The following KIF17 variants were observed in gnomAD, a reference collection of about 807,000 sequenced individuals.
KIF17 encodes kinesin-like protein KIF17.
KIF17 carries 80 observed loss-of-function variants against 96.8 expected under a neutral mutation model. The observed-to-expected ratio is 0.83, with a 90% CI of 0.69 to 1.00. The LOEUF (loss-of-function observed/expected upper bound fraction) is 1.00, where lower values mean the gene tolerates loss of function less well. Among genes scored for constraint, KIF17 ranks in the 50% least tolerant of loss-of-function variants. The probability of loss-of-function intolerance (pLI) is 0.00; values close to 1 mark genes in which losing one functional copy is unlikely to be tolerated. For missense variants in KIF17, 1,280 were observed against 1,372.9 expected (o/e 0.93, Z 1.07); for synonymous variants, 567 against 587.5 (o/e 0.97, Z 0.51).
chr1:20,699,444 T>C lies in KIF17; in HGVS notation c.1124-956A>G, dbSNP rs1247171621. Among the ~76,000 whole-genome samples the C allele has an allele frequency of 6.6e-6, 1 of 152,190 alleles. No individual in the cohort carries two copies. Among genetic ancestry groups the C allele is most frequent in the Admixed American group, 6.5e-5 (1 of 15,272 alleles). On this transcript the variant is annotated intron_variant, in intron 5 of 14. Transcript: ENST00000400463. This position sits in a 1 kb window ranked among gnomAD's most constrained non-coding sequence, Gnocchi z 4.3. ...AGCTAGGCATGGTGGCGGGAGCCTGTAATCCCAGCTACTCAGGAGGCTGAG... is the reference window on the plus strand; with the variant it reads ...AGCTAGGCATGGTGGCGGGAGCCTGCAATCCCAGCTACTCAGGAGGCTGAG...
rs568353362 is a variant in KIF17 at position 20,677,312 on chromosome 1, A to G, written c.2464-5116T>C. Among the ~76,000 whole-genome samples the G allele has an allele frequency of 2.0e-5, 3 of 152,356 alleles. No individual in the cohort carries two copies. In the East Asian group the frequency reaches 5.8e-4, roughly 29 times the overall value. On this transcript the variant is annotated intron_variant, in intron 11 of 14. Coordinates refer to ENST00000400463, the MANE Select transcript of KIF17 (RefSeq NM_001122819.3). ...ATGCCAAACAATACAATCCTTATGG[A>G]GGAGAAGTTGGCATGTCTAGTGACA...
intron 11 of KIF17, among the ~76,000 whole-genome samples, chr1:20,673,549 T>TC (rs1466761162): frequency 1.3e-5 from 2 of 151,206 alleles, no homozygotes; most frequent in Non-Finnish European, 1.5e-5. Flanking sequence ...TTTTTTTTTT[T>TC]TGAGACAGAT....
intron 4 of KIF17, among the ~76,000 whole-genome samples, chr1:20,705,268 T>C (rs971588619): frequency 3.9e-5 from 6 of 152,046 alleles, no homozygotes; most frequent in Non-Finnish European, 7.4e-5. Flanking sequence ...AGGGCAGGGG[T>C]GTGGGCTGGA....
chr1:20,681,882 G>A (rs1321659996), intron 11 of KIF17, among the ~76,000 whole-genome samples: 1 of 152,178 alleles, frequency 6.6e-6, no homozygotes, highest in Non-Finnish European at 1.5e-5. Context: ...AGGTCCTTCT[G>A]AGGTTCCCAG....
chr1:20,715,633 T>A lies in KIF17; in HGVS notation c.238A>T (p.Thr80Ser). ...AAGATGGTGCCATTGTAGCCCTCAG[T>A]GACGCCCTGCATGGGAGGAAGGCAG... Reference protein sequence around the residue: ...EIAYPLVEGVTEGYNGTIFAY... With the variant: ...EIAYPLVEGVSEGYNGTIFAY... The change falls in exon 2 of 15, where the codon ACT becomes TCT. Residue 80 changes from threonine to serine, a missense_variant. Coordinates refer to ENST00000400463, the MANE Select transcript of KIF17 (RefSeq NM_001122819.3). 1 of 1,613,306 alleles carries A rather than the reference T, an allele frequency of 6.2e-7. No individual in the cohort carries two copies.
At position 20,717,487 on chromosome 1, in the gene KIF17, G is replaced by A. The variant is rs756978243; in HGVS notation, c.220C>T (p.Pro74Ser). 1.1e-5 allele frequency: 18 copies of A among 1,611,386 alleles called. No homozygotes were observed. Among genetic ancestry groups the A allele is most frequent in the Non-Finnish European group, 1.5e-5 (18 of 1,179,608 alleles). ...CCGGGCGCCCTCACCTCCACCAGCGGATAGGCGATCTCGTTGTAGATCTGC... is the reference window on the plus strand; with the variant it reads ...CCGGGCGCCCTCACCTCCACCAGCGAATAGGCGATCTCGTTGTAGATCTGC... ...TEQIYNEIAY[P>S]LVEGVTEGYN... The change falls in exon 1 of 15, where the codon CCG (proline) becomes TCG (serine). Residue 74 changes from proline (P) to serine (S), a missense_variant. Physicochemically the swap from Pro to Ser is moderately conservative, Grantham distance 74. Transcript: ENST00000400463.
In KIF17 at chr1:20,686,139, AG is replaced by A. The variant is rs2053935036; in HGVS notation, c.1939-14del. ...TCGGCGCAGGGACCTGGGAGGAAAG[AG>A]GGGATGGAGGAGAAAGAAGGCTGAT... On this transcript the variant is annotated splice_polypyrimidine_tract_variant and intron_variant, in intron 8 of 14. Transcript: ENST00000400463. 17 of 1,559,164 alleles carry A rather than the reference AG, an allele frequency of 1.1e-5. No homozygotes were observed. Among genetic ancestry groups the A allele is most frequent in the Non-Finnish European group, 1.4e-5 (16 of 1,150,748 alleles).
chr1:20,709,886 G>A lies in KIF17; in HGVS notation c.481-58C>T. The A allele has an allele frequency of 6.7e-7, 1 of 1,500,760 alleles. No individual in the cohort carries two copies. The highest frequency in any genetic ancestry group is 1.2e-5 in the South Asian group (1 of 83,682). The allele number at this position is 1,500,760 out of a possible 1,614,324, so 93.0% of individuals were successfully genotyped here. ...TCCAGCCGCCAAGGGTTAGGACCAG[G>A]GATGGTCAAGGAACCAGAGAGAAGG... On this transcript the variant is annotated intron_variant, in intron 3 of 14. Coordinates refer to ENST00000400463, the MANE Select transcript of KIF17 (RefSeq NM_001122819.3). The surrounding 1 kb of genome is among the most constrained non-coding windows in gnomAD (Gnocchi z 4.7).
At position 20,713,560 on chromosome 1, in the gene KIF17, A is replaced by ACGTGCTCGAAGGCCCTG; in HGVS notation, c.379-6_379-5insCAGGGCCTTCGAGCACG. On this transcript the variant is annotated splice_region_variant and splice_polypyrimidine_tract_variant and intron_variant, in intron 2 of 14. Transcript: ENST00000400463. Reference sequence around the variant, plus strand: ...GAACTTAGTGTTCTCTGCACACTGCAGGGAGTACACAGAAAGAACCTAGAC... The same window carrying ACGTGCTCGAAGGCCCTG: ...GAACTTAGTGTTCTCTGCACACTGCACGTGCTCGAAGGCCCTGGGGAGTACACAGAAAGAACCTAGAC... The ACGTGCTCGAAGGCCCTG allele has an allele frequency of 6.2e-7, 1 of 1,606,426 alleles. No individual in the cohort carries two copies. Among genetic ancestry groups the ACGTGCTCGAAGGCCCTG allele is most frequent in the Admixed American group, 1.7e-5 (1 of 59,730 alleles).
At chr1:20,695,358 T>C (rs2054118439) in intron 6 of KIF17, among the ~76,000 whole-genome samples, 1 of 152,184 alleles carries the variant, frequency 6.6e-6, no homozygotes, top group Non-Finnish European at 1.5e-5. Context: ...CGACTAATTT[T>C]TGTATTTGTA....
At chr1:20,670,333 C>T in intron 13 of KIF17, 88 bp downstream of exon 13, 1 of 1,295,688 alleles carries the variant, frequency 7.7e-7, no homozygotes, top group Non-Finnish European at 1.1e-6. Context: ...AGTGGAAAAC[C>T]AGCTCTCCAC....
chr1:20,688,067 G>A (rs2053972727), intron 7 of KIF17, 123 bp from the exon 8 acceptor site: 1 of 841,160 alleles, frequency 1.2e-6, no homozygotes, highest in South Asian at 1.5e-5. Context: ...TTTTTTTTGA[G>A]ACAGAGTCTT....
intron 2 of KIF17, among the ~76,000 whole-genome samples, chr1:20,714,123 C>G (rs558798094): frequency 1.3e-5 from 2 of 152,046 alleles, no homozygotes; most frequent in South Asian, 2.1e-4. Flanking sequence ...GTCAGGAGAT[C>G]GAGATCATCC....
chr1:20,669,892 A>C (rs1282227717), intron 13 of KIF17, among the ~76,000 whole-genome samples: 6 of 140,468 alleles, frequency 4.3e-5, no homozygotes, highest in South Asian at 2.2e-4. Context: ...AAAAAAAAAA[A>C]AAAAAAAAAA....
chr1:20,671,264 G>A (rs867128186), intron 12 of KIF17, among the ~76,000 whole-genome samples: 10 of 152,314 alleles, frequency 6.6e-5, no homozygotes, highest in South Asian at 2.1e-4. Flanking sequence ...GACATGCAGC[G>A]AGCATCACTA....
chr1:20,673,861 G>A (rs143154232), intron 11 of KIF17, among the ~76,000 whole-genome samples: 120 of 152,096 alleles, frequency 7.9e-4, no homozygotes, highest in African/African-American at 2.8e-3. Context: ...TAGTAAGCAC[G>A]TGGTGTTAGT....
rs1353092031 is a variant in KIF17 at position 20,687,998 on chromosome 1, T to C, written c.1382-54A>G. 4 of 1,500,714 alleles carry C rather than the reference T, an allele frequency of 2.7e-6. No homozygotes were observed. Among genetic ancestry groups the C allele is most frequent in the East Asian group, 2.3e-5 (1 of 44,336 alleles). 93.0% of individuals were successfully genotyped at this position (1,500,714 alleles called of 1,614,324 possible). A position where few individuals can be genotyped will look rare whatever the true frequency, so the allele number is the denominator to read the frequency against. On this transcript the variant is annotated intron_variant, in intron 7 of 14. Transcript: ENST00000400463. This position sits in a 1 kb window ranked among gnomAD's most constrained non-coding sequence, Gnocchi z 4.4. The stretch of plus-strand genomic sequence containing the variant: ...TTTAAAGGGTCAGAATGAGAGACCC[T>C]TCCCTAGAAGGTGGCTCCAAGCCCA...
chr1:20,697,110 T>C (rs590454), intron 6 of KIF17, among the ~76,000 whole-genome samples: 85,496 of 152,070 alleles, frequency 0.56, 25,604 homozygotes, highest in East Asian at 0.8. Flanking sequence ...GACAGAGATC[T>C]CCACAGTCCT....
At chr1:20,696,424 A>G (rs982981592) in intron 6 of KIF17, among the ~76,000 whole-genome samples, 1 of 152,150 alleles carries the variant, frequency 6.6e-6, no homozygotes, top group Non-Finnish European at 1.5e-5. Flanking sequence ...AAGAAACCTC[A>G]GGGTTTCTTG....
Sources: gnomAD v4.1 joint callset for allele counts (sites outside exome capture counted in the v4.1 genomes callset) on GRCh38, gnomAD v4.1.1 for gene constraint, Gnocchi (gnomAD v3.1) non-coding constraint, MANE v1.5 for transcripts, NCBI Gene and HGNC (gene_info 2026-07-23, HGNC 2026-07-21) for gene names.